NPFFR2: variants seen among roughly 807,000 people sequenced by gnomAD.
The protein encoded by NPFFR2 is neuropeptide FF receptor 2.
A neutral mutation model predicts 13.1 loss-of-function variants in NPFFR2; 15 were observed. The observed-to-expected ratio is 1.15, with a 90% CI of 0.77 to 1.76. NPFFR2 has a LOEUF of 1.76. NPFFR2 is among the 40% of genes most tolerant of loss of function. The probability of loss-of-function intolerance (pLI) is 0.00; values close to 1 mark genes in which losing one functional copy is unlikely to be tolerated. For synonymous variants in NPFFR2, 190 were observed against 175.7 expected, an observed-to-expected ratio of 1.08 and a Z score of -0.65; for missense variants, 572 against 503.5, an observed-to-expected ratio of 1.14 and a Z score of -1.30.
intron 1 of NPFFR2, among the ~76,000 whole-genome samples, chr4:72,043,514 C>A (rs1303977908): frequency 1.3e-5 from 2 of 152,234 alleles, no homozygotes; most frequent in African/African-American, 4.8e-5. Flanking sequence ...TTGCCAAGGC[C>A]ATGGGAGCCT....
At chr4:72,092,320 G>C (rs1276456121) in intron 1 of NPFFR2, among the ~76,000 whole-genome samples, 4 of 152,038 alleles carry the variant, frequency 2.6e-5, no homozygotes, top group Non-Finnish European at 5.9e-5. Flanking sequence ...TGTGGTTCTT[G>C]GGTAGAAGGT....
In NPFFR2 at chr4:72,142,158, C is replaced by A. The variant is rs533703323; in HGVS notation, c.428+4019C>A. The stretch of plus-strand genomic sequence containing the variant: ...TCTTTTGATTCTATATGTGTCTCTG[C>A]ATGTGAGATGGGTCTCCTGAATACG... On this transcript the variant is annotated intron_variant, in intron 3 of 3. Coordinates refer to ENST00000308744, the MANE Select transcript of NPFFR2 (RefSeq NM_004885.3). Among the ~76,000 whole-genome samples the A allele has an allele frequency of 1.9e-3, 285 of 152,232 alleles. 1 individual carries two copies. The highest frequency in any genetic ancestry group is 3.5e-3 in the Non-Finnish European group (239 of 68,018).
intron 1 of NPFFR2, among the ~76,000 whole-genome samples, chr4:72,072,614 CAG>C (rs781428216): frequency 2.0e-5 from 3 of 151,892 alleles, no homozygotes; most frequent in Admixed American, 6.6e-5. Flanking sequence ...ATGAAAATCT[CAG>C]GGGGGAAGAG....
intron 1 of NPFFR2, among the ~76,000 whole-genome samples, chr4:72,039,019 G>A (rs912976054): frequency 2.3e-4 from 28 of 119,326 alleles, no homozygotes; most frequent in East Asian, 6.3e-4. Context: ...ATTCTCCTGC[G>A]TCAGCCTCCC....
intron 3 of NPFFR2, among the ~76,000 whole-genome samples, chr4:72,143,017 G>A (rs1328311526): frequency 1.3e-5 from 2 of 152,206 alleles, no homozygotes; most frequent in Non-Finnish European, 2.9e-5. Flanking sequence ...ACAGGGAGTA[G>A]TGGATTCACA....
Position 72,032,105 on chromosome 4 carries a change from G to A in NPFFR2, c.-103G>A. ...GGCTGGGATTGAGCCGGCAGACTGC[G>A]AAAAGTAGCTGGAGCCGGAGCAGGG... On this transcript the variant is annotated 5_prime_UTR_variant, in exon 1 of 4. Transcript: ENST00000308744. 1 of 1,614,124 alleles carries A rather than the reference G, an allele frequency of 6.2e-7. No homozygotes were observed. Among genetic ancestry groups the A allele is most frequent in the Non-Finnish European group, 8.5e-7 (1 of 1,179,978 alleles).
In NPFFR2 at chr4:72,135,724, TCTTC is replaced by T. The variant is rs1722387661; in HGVS notation, c.329-2313_329-2310del. ...AATTTGGTTTTCCTATAAGTATTTT[TCTTC>T]CTATGTGTGTTAGTCTTTTTCTTTT... is the stretch of plus-strand genomic sequence containing the variant. On this transcript the variant is annotated intron_variant, in intron 2 of 3. Coordinates refer to ENST00000308744, the MANE Select transcript of NPFFR2 (RefSeq NM_004885.3). Among the ~76,000 whole-genome samples, 5 of 152,068 alleles carry T rather than the reference TCTTC, an allele frequency of 3.3e-5. No homozygotes were observed. In the South Asian group the frequency reaches 1.0e-3, roughly 31 times the overall value.
chr4:72,103,064 C>T (rs530520363), intron 1 of NPFFR2, among the ~76,000 whole-genome samples: 1 of 152,218 alleles, frequency 6.6e-6, no homozygotes, highest in East Asian at 1.9e-4. Context: ...GATTGCCATT[C>T]TAACTGGTGT....
intron 3 of NPFFR2, among the ~76,000 whole-genome samples, chr4:72,145,269 TTATAAA>T (rs1268869281): frequency 2.8e-5 from 4 of 143,466 alleles, no homozygotes; most frequent in African/African-American, 1.0e-4. Context: ...ACATATATTG[TTATAAA>T]TATAAATATA....
At position 72,128,868 on chromosome 4, in the gene NPFFR2, C is replaced by G. The variant is rs1024572100; in HGVS notation, c.277C>G (p.Leu93Val). ...FILNLAISDLLVGIFCMPITL... is the reference protein window; with the variant it reads ...FILNLAISDLVVGIFCMPITL... ...CTTAAACCTGGCCATAAGTGATTTA[C>G]TAGTTGGCATATTCTGCATGCCTAT... The change falls in exon 2 of 4, where the codon CTA becomes GTA. Residue 93 changes from leucine (L) to valine (V), a missense_variant. By Grantham distance (32) the Leu-to-Val change is conservative (BLOSUM62 1). Coordinates refer to ENST00000308744, the MANE Select transcript of NPFFR2 (RefSeq NM_004885.3). 30 of 1,613,842 alleles carry G rather than the reference C, an allele frequency of 1.9e-5. No homozygotes were observed. Among genetic ancestry groups the G allele is most frequent in the Non-Finnish European group, 2.5e-5 (30 of 1,179,904 alleles).
At chr4:72,132,193 G>A (rs190097549) in intron 2 of NPFFR2, among the ~76,000 whole-genome samples, 31 of 150,942 alleles carry the variant, frequency 2.1e-4, no homozygotes, top group African/African-American at 4.4e-4. Flanking sequence ...GCCCCAGTAC[G>A]TGTCGTTCCC....
At chr4:72,062,922 A>G (rs1323279711) in intron 1 of NPFFR2, among the ~76,000 whole-genome samples, 1 of 142,710 alleles carries the variant, frequency 7.0e-6, no homozygotes, top group East Asian at 2.0e-4. Context: ...ATATTAGTTG[A>G]ATTTCTAGGA....
At chr4:72,035,842 G>C (rs926433016) in intron 1 of NPFFR2, among the ~76,000 whole-genome samples, 15 of 152,030 alleles carry the variant, frequency 9.9e-5, no homozygotes, top group African/African-American at 3.6e-4. Flanking sequence ...TATTGTAAGA[G>C]TCTCATTTAG....
At chr4:72,074,974 AAT>A (rs577292297) in intron 1 of NPFFR2, among the ~76,000 whole-genome samples, 182 of 152,272 alleles carry the variant, frequency 1.2e-3, no homozygotes, top group African/African-American at 4.3e-3. Flanking sequence ...AGACAATATA[AAT>A]ATGTTTATTT....
rs1195919791 is a variant in NPFFR2, at chr4:72,080,966, G to A, written c.-7-47619G>A. On this transcript the variant is annotated intron_variant, in intron 1 of 3. Transcript: ENST00000308744. ...GCCACACTGAGACATCTTCCCCATA[G>A]ATCCCTCCACAACCTCCCTTATACA... 3.9e-5 allele frequency among the ~76,000 whole-genome samples: 6 copies of A among 152,158 alleles called. No individual in the cohort carries two copies. In the East Asian group the frequency reaches 1.2e-3, roughly 29 times the overall value.
intron 1 of NPFFR2, among the ~76,000 whole-genome samples, chr4:72,076,107 A>G (rs1331404847): frequency 6.6e-6 from 1 of 151,992 alleles, no homozygotes; most frequent in East Asian, 1.9e-4. Context: ...TAGACGGCAT[A>G]GATAGTGGAG....
intron 1 of NPFFR2, among the ~76,000 whole-genome samples, chr4:72,047,463 G>T (rs1719411770): frequency 6.6e-6 from 1 of 152,116 alleles, no homozygotes; most frequent in Non-Finnish European, 1.5e-5. Context: ...TGTGCCCCTA[G>T]TCTGCACTGG....
Position 72,033,901 on chromosome 4 carries a change from CTGTG to C in NPFFR2, c.-8+1714_-8+1717del, listed in dbSNP as rs149608407. Among the ~76,000 whole-genome samples, 4 of 150,354 alleles carry C rather than the reference CTGTG, an allele frequency of 2.7e-5. 1 individual carries two copies. The highest frequency in any genetic ancestry group is 4.2e-4 in the South Asian group (2 of 4,784). The stretch of plus-strand genomic sequence containing the variant: ...TATTTATTGTAGTTGTTCTTCGGCT[CTGTG>C]TGTGTGTGTGTGCATGTGTGTGAGT... On this transcript the variant is annotated intron_variant, in intron 1 of 3. Transcript: ENST00000308744.
chr4:72,144,881 T>G (rs1054028478), intron 3 of NPFFR2, among the ~76,000 whole-genome samples: 1 of 152,190 alleles, frequency 6.6e-6, no homozygotes, highest in Non-Finnish European at 1.5e-5. Flanking sequence ...CCACTGCCCT[T>G]TGCCACTTGG....
Sources: gnomAD v4.1 joint callset for allele counts (sites outside exome capture counted in the v4.1 genomes callset) on GRCh38, gnomAD v4.1.1 for gene constraint, MANE v1.5 for transcripts, NCBI Gene and HGNC (gene_info 2026-07-23, HGNC 2026-07-21) for gene names.